The following ARHGEF3 variants were observed in gnomAD, a reference collection of about 807,000 sequenced individuals.
ARHGEF3 encodes 59.8 kDA protein.
ARHGEF3 carries 28 observed loss-of-function variants against 63.2 expected under a neutral mutation model. The ratio of observed to expected loss-of-function variants is 0.44; its 90% CI spans 0.33 to 0.61. ARHGEF3 has a LOEUF of 0.61. Among genes scored for constraint, ARHGEF3 ranks in the 20% least tolerant of loss-of-function variants. The pLI is 0.03. For synonymous variants in ARHGEF3, 266 were observed against 254.2 expected (o/e 1.05, Z -0.44); for missense variants, 533 against 659.3 (o/e 0.81, Z 2.10).
At chr3:57,002,422 C>T (rs1389155836) in intron 2 of ARHGEF3, among the ~76,000 whole-genome samples, 1 of 49,548 alleles carries the variant, frequency 2.0e-5, no homozygotes, top group Non-Finnish European at 4.3e-5. Context: ...CTGTTCTAAG[C>T]ACTATATATA....
chr3:56,894,099 G>A (rs546218449), intron 3 of ARHGEF3, among the ~76,000 whole-genome samples: 14 of 152,110 alleles, frequency 9.2e-5, no homozygotes, highest in Non-Finnish European at 1.9e-4. Flanking sequence ...CAGAAATGCC[G>A]GAGAATTAAT....
chr3:56,796,976 C>T (rs777308447), intron 1 of ARHGEF3, among the ~76,000 whole-genome samples: 6 of 152,118 alleles, frequency 3.9e-5, no homozygotes, highest in Non-Finnish European at 8.8e-5. Context: ...TTTCTTAAAA[C>T]CATTTTAAGA....
chr3:56,934,284 T>C (rs2042490788), intron 3 of ARHGEF3, among the ~76,000 whole-genome samples: 1 of 152,252 alleles, frequency 6.6e-6, no homozygotes, highest in African/African-American at 2.4e-5. Flanking sequence ...GAGCAGTTAC[T>C]GAGACGTGAC....
At chr3:56,956,511 T>C (rs1474271686) in intron 3 of ARHGEF3, among the ~76,000 whole-genome samples, 1 of 152,212 alleles carries the variant, frequency 6.6e-6, no homozygotes, top group Non-Finnish European at 1.5e-5. Flanking sequence ...ACAAGTTCTA[T>C]AAACCAGAGT....
In ARHGEF3 at chr3:56,729,640, A is replaced by G. The variant is rs774694957; in HGVS notation, c.1229-18T>C. On this transcript the variant is annotated intron_variant, in intron 9 of 9. Transcript: ENST00000296315. The stretch of plus-strand genomic sequence containing the variant: ...GTTTTTAACTAGAAAGGAAAAACAC[A>G]TGAAAAACAAAGTCAATGGACAGAT... 39 of 1,571,646 alleles carry G rather than the reference A, an allele frequency of 2.5e-5. No homozygotes were observed. The highest frequency in any genetic ancestry group is 3.0e-5 in the Non-Finnish European group (35 of 1,155,058).
chr3:56,801,863 G>T lies in ARHGEF3; in HGVS notation c.-65C>A. 1 of 1,551,078 alleles carries T rather than the reference G, an allele frequency of 6.4e-7. No homozygotes were observed. Among genetic ancestry groups the T allele is most frequent in the African/African-American group, 1.4e-5 (1 of 73,188 alleles). ...CCCTAGGCGACTACAAAACTCCCAG[G>T]CAAAAGGGGGCCCCAGCTCCACGAT... On this transcript the variant is annotated 5_prime_UTR_variant, in exon 1 of 10. Coordinates refer to ENST00000296315, the MANE Select transcript of ARHGEF3 (RefSeq NM_019555.3).
Position 56,758,284 on chromosome 3 carries a change from GA to G in ARHGEF3, c.205-3134del, listed in dbSNP as rs1176698699. Among the ~76,000 whole-genome samples the G allele has an allele frequency of 3.6e-3, 494 of 137,328 alleles. 2 individuals are homozygous for G. Among genetic ancestry groups the G allele is most frequent in the African/African-American group, 9.3e-3 (350 of 37,668 alleles). 90.1% of individuals were successfully genotyped at this position (137,328 alleles called of 152,430 possible). On this transcript the variant is annotated intron_variant, in intron 2 of 9. Coordinates refer to ENST00000296315, the MANE Select transcript of ARHGEF3 (RefSeq NM_019555.3). ...CGACAGAGCAAGACTCCCTCTAAAG[GA>G]AAAAAAAAAAAATAGAAAATGAGGC... is the stretch of plus-strand genomic sequence containing the variant.
chr3:56,881,447 G>C (rs1384802350), intron 4 of ARHGEF3, among the ~76,000 whole-genome samples: 1 of 152,176 alleles, frequency 6.6e-6, no homozygotes, highest in African/African-American at 2.4e-5. Flanking sequence ...CAAGCCCCAG[G>C]ATAATGAGGG....
At chr3:56,820,010 A>G (rs1453423015) in intron 4 of ARHGEF3, among the ~76,000 whole-genome samples, 1 of 152,008 alleles carries the variant, frequency 6.6e-6, no homozygotes, top group Non-Finnish European at 1.5e-5. Context: ...GGGTTTCACT[A>G]TGTTGCCCAG....
At chr3:57,025,662 C>CA (rs1165207808) in intron 2 of ARHGEF3, among the ~76,000 whole-genome samples, 7 of 152,216 alleles carry the variant, frequency 4.6e-5, no homozygotes, top group Non-Finnish European at 7.3e-5. Flanking sequence ...TCCAGCCATT[C>CA]AGGGCTCCTT....
chr3:56,745,963 A>G (rs577345787), intron 6 of ARHGEF3, among the ~76,000 whole-genome samples: 1 of 152,330 alleles, frequency 6.6e-6, no homozygotes, highest in Admixed American at 6.5e-5. Flanking sequence ...GAGCCTGTAC[A>G]ATACTATGTA....
intron 1 of ARHGEF3, among the ~76,000 whole-genome samples, chr3:56,778,571 CA>C (rs1241540805): frequency 4.6e-5 from 7 of 152,200 alleles, no homozygotes; most frequent in African/African-American, 7.2e-5. Context: ...CTTGCTCTGT[CA>C]CTCAGGCTGC....
chr3:56,759,174 A>ATTTTTT (rs35855808), intron 2 of ARHGEF3, among the ~76,000 whole-genome samples: 1 of 128,176 alleles, frequency 7.8e-6, no homozygotes, highest in Middle Eastern at 4.1e-3. Flanking sequence ...AGAAAACTGA[A>ATTTTTT]TTTTTTTTTT....
In ARHGEF3 at chr3:57,012,080, A is replaced by T. The variant is rs1702725311; in HGVS notation, c.62+23008T>A. The stretch of plus-strand genomic sequence containing the variant: ...GCTCCCAACGAGCTGTGCCAAGAAG[A>T]CTGAGGTTGAGTATGAAATGGGGTC... On this transcript the variant is annotated intron_variant, in intron 2 of 12. Coordinates refer to the ARHGEF3 transcript ENST00000338458. 2.0e-5 allele frequency among the ~76,000 whole-genome samples: 3 copies of T among 152,236 alleles called. No homozygotes were observed. The South Asian group carries it at 6.2e-4, about 32-fold the overall frequency.
chr3:56,766,724 A>G (rs1327481941), intron 2 of ARHGEF3, among the ~76,000 whole-genome samples: 2 of 151,886 alleles, frequency 1.3e-5, no homozygotes, highest in Non-Finnish European at 2.9e-5. Flanking sequence ...GAAATGTAAG[A>G]AGTCTAGATT....
chr3:56,939,644 A>G (rs1699078485), intron 3 of ARHGEF3, among the ~76,000 whole-genome samples: 1 of 152,180 alleles, frequency 6.6e-6, no homozygotes, highest in Non-Finnish European at 1.5e-5. Context: ...ATAGCTTGCC[A>G]AACAGGCTGT....
intron 4 of ARHGEF3, among the ~76,000 whole-genome samples, chr3:56,827,682 A>C (rs1022141491): frequency 8.0e-5 from 11 of 137,598 alleles, no homozygotes; most frequent in Non-Finnish European, 1.4e-4. Flanking sequence ...TGGGAGGCCA[A>C]GGTGAGCAAA....
In ARHGEF3 at chr3:56,729,288, G is replaced by A. The variant is rs1565376; in HGVS notation, c.1563C>T (p.His521=). The A allele has an allele frequency of 0.48, 778,861 of 1,611,520 alleles. 202,723 individuals carry two copies. Among genetic ancestry groups the A allele is most frequent in the African/African-American group, 0.82 (61,704 of 74,952 alleles). ...GCTTCTGTCAGACGTTACTTTCACC[G>A]TGCCTGCTGTTTCCACAGGAAGAGT... The part of the protein sequence containing the change: ...QTDSSCGNSR[H]GESNV The change falls in exon 10 of 10, where the codon CAC becomes CAT. Residue 521 remains histidine (H), a synonymous_variant. Coordinates refer to ENST00000296315, the MANE Select transcript of ARHGEF3 (RefSeq NM_019555.3).
At chr3:57,013,061 T>C (rs9821605) in intron 2 of ARHGEF3, among the ~76,000 whole-genome samples, 52,344 of 152,062 alleles carry the variant, frequency 0.34, 9,671 homozygotes, top group African/African-American at 0.47. Context: ...CCGGCCTGCC[T>C]GCGCCACACT....
Sources: allele counts gnomAD v4.1 joint callset (sites outside exome capture counted in the v4.1 genomes callset), GRCh38; gene constraint gnomAD v4.1.1; transcripts MANE v1.5; gene names NCBI Gene and HGNC (gene_info 2026-07-23, HGNC 2026-07-21).